Variants in LOC128462377 observed in about 807,000 individuals in gnomAD.
the LOC128462377 span, among the ~76,000 whole-genome samples, chr16:89,330,749 C>A: frequency 1.3e-5 from 2 of 149,936 alleles, no homozygotes; most frequent in Non-Finnish European, 3.0e-5. Flanking sequence ...TCCTGTTCCT[C>A]CTCGGCGAGT....
the LOC128462377 span, among the ~76,000 whole-genome samples, chr16:89,333,900 C>T: frequency 6.6e-6 from 1 of 152,020 alleles, no homozygotes; most frequent in Admixed American, 6.6e-5. Flanking sequence ...GTGTTGTGAA[C>T]AGAGAGATAA....
chr16:89,358,875 G>C, the LOC128462377 span, among the ~76,000 whole-genome samples: 2 of 151,968 alleles, frequency 1.3e-5, no homozygotes, highest in Non-Finnish European at 2.9e-5. Flanking sequence ...GCCCAGGCTG[G>C]AGCGCAGTGG....
chr16:89,389,663 T>C, the LOC128462377 span, among the ~76,000 whole-genome samples: 3 of 151,916 alleles, frequency 2.0e-5, no homozygotes, highest in African/African-American at 7.3e-5. Flanking sequence ...AGAAACGGCA[T>C]GTCAACAACT....
the LOC128462377 span, among the ~76,000 whole-genome samples, chr16:89,318,800 G>C: frequency 5.3e-5 from 8 of 152,222 alleles, no homozygotes; most frequent in African/African-American, 1.9e-4. Flanking sequence ...TGGAGAGAGG[G>C]ACAGGTCGGG....
chr16:89,414,623 G>A, the LOC128462377 span, among the ~76,000 whole-genome samples: 1 of 152,204 alleles, frequency 6.6e-6, no homozygotes, highest in Non-Finnish European at 1.5e-5. Context: ...CACTGTCCTG[G>A]GTAGGAGACT....
the LOC128462377 span, among the ~76,000 whole-genome samples, chr16:89,341,701 T>C: frequency 6.6e-6 from 1 of 152,262 alleles, no homozygotes; most frequent in Non-Finnish European, 1.5e-5. Context: ...CCTATTCATC[T>C]GCATAATGAT....
the LOC128462377 span, among the ~76,000 whole-genome samples, chr16:89,351,950 G>A: frequency 2.0e-5 from 3 of 152,186 alleles, no homozygotes; most frequent in East Asian, 1.9e-4. Context: ...TCACTCTGTC[G>A]CCCAGGATGG....
chr16:89,390,587 C>T, the LOC128462377 span, among the ~76,000 whole-genome samples: 4 of 152,088 alleles, frequency 2.6e-5, no homozygotes, highest in Admixed American at 6.5e-5. Context: ...GAGAACCTGA[C>T]CAAGGCACAT....
At chr16:89,379,228 G>A in the LOC128462377 span, among the ~76,000 whole-genome samples, 2 of 152,262 alleles carry the variant, frequency 1.3e-5, no homozygotes, top group Non-Finnish European at 2.9e-5. Context: ...CCGTCTGTAT[G>A]TGCGTCACAG....
At chr16:89,384,027 C>T in the LOC128462377 span, among the ~76,000 whole-genome samples, 14 of 152,146 alleles carry the variant, frequency 9.2e-5, no homozygotes, top group Admixed American at 1.3e-4. Context: ...CAAGACCAGC[C>T]TGGCCAACAT....
At chr16:89,346,769 A>G in the LOC128462377 span, among the ~76,000 whole-genome samples, 5 of 152,264 alleles carry the variant, frequency 3.3e-5, no homozygotes, top group Non-Finnish European at 5.9e-5. Flanking sequence ...ATTTATCGCT[A>G]GAAGACATCC....
chr16:89,381,112 C>T, the LOC128462377 span, among the ~76,000 whole-genome samples: 1 of 152,126 alleles, frequency 6.6e-6, no homozygotes, highest in African/African-American at 2.4e-5. Context: ...CATTTGAGAT[C>T]AGGAGTTTGA....
At chr16:89,327,099 G>GAATGCAGAGGTTGGA in the LOC128462377 span, among the ~76,000 whole-genome samples, 2 of 44,776 alleles carry the variant, frequency 4.5e-5, no homozygotes, top group Admixed American at 2.2e-4. Context: ...CAGAGGTGGG[G>GAATGCAGAGGTTGGA]AATGCAGAGG....
the LOC128462377 span, among the ~76,000 whole-genome samples, chr16:89,379,492 A>C: frequency 6.6e-6 from 1 of 152,178 alleles, no homozygotes; most frequent in Non-Finnish European, 1.5e-5. Context: ...GTCCAACTTG[A>C]ACATTTTTTT....
chr16:89,351,955 G>C, the LOC128462377 span, among the ~76,000 whole-genome samples: 3 of 152,194 alleles, frequency 2.0e-5, no homozygotes, highest in African/African-American at 7.2e-5. Flanking sequence ...CTGTCGCCCA[G>C]GATGGAGTGC....
chr16:89,366,379 G>A, the LOC128462377 span, among the ~76,000 whole-genome samples: 1 of 152,132 alleles, frequency 6.6e-6, no homozygotes, highest in Non-Finnish European at 1.5e-5. Context: ...GGTAGTTCTG[G>A]TTTTAGCTCT....
the LOC128462377 span, chr16:89,396,042 T>C: frequency 1.3e-5 from 2 of 152,142 alleles, no homozygotes; most frequent in African/African-American, 4.8e-5. Flanking sequence ...TGTTCGGACA[T>C]GAGTACTGGC....
chr16:89,318,567 T>TA, the LOC128462377 span, among the ~76,000 whole-genome samples: 1 of 100,572 alleles, frequency 9.9e-6, no homozygotes, highest in Non-Finnish European at 2.3e-5. Context: ...CAGACCCATC[T>TA]GTGAGTGGCA....
At chr16:89,381,815 G>C in the LOC128462377 span, among the ~76,000 whole-genome samples, 1 of 152,184 alleles carries the variant, frequency 6.6e-6, no homozygotes, top group Non-Finnish European at 1.5e-5. Flanking sequence ...CCACGCGAAT[G>C]GGGGGAAGAG....
Sources: gnomAD v4.1 joint callset for allele counts (sites outside exome capture counted in the v4.1 genomes callset) on GRCh38, gnomAD v4.1.1 for gene constraint, MANE v1.5 for transcripts.